SMAD5: variants seen among roughly 807,000 people sequenced by gnomAD.
SMAD5 encodes MAD, mothers against decapentaplegic homolog 5.
In SMAD5, 9 loss-of-function variants were observed where a neutral mutation model predicts 43.1. The ratio of observed to expected loss-of-function variants is 0.21; its 90% confidence interval spans 0.13 to 0.36. SMAD5 has a LOEUF of 0.36. Among genes scored for constraint, SMAD5 ranks in the 10% least tolerant of loss-of-function variants. The pLI is 1.00. For synonymous variants in SMAD5, 190 were observed against 192.4 expected (o/e 0.99, Z 0.10); for missense variants, 348 against 574.0 (o/e 0.61, Z 4.02).
At chr5:136,146,050 A>G (rs528862498) in intron 1 of SMAD5, among the ~76,000 whole-genome samples, 21 of 151,966 alleles carry the variant, frequency 1.4e-4, no homozygotes, top group African/African-American at 5.1e-4. Context: ...CAGTTGTTCT[A>G]TTAATTTGTG....
intron 1 of SMAD5, among the ~76,000 whole-genome samples, chr5:136,136,239 G>T (rs149417270): frequency 2.0e-5 from 3 of 152,262 alleles, no homozygotes; most frequent in South Asian, 4.2e-4. Flanking sequence ...GTCCAGTGGC[G>T]CAATCTTGGC....
intron 1 of SMAD5, chr5:136,134,629 T>G (rs192279496): frequency 2.6e-5 from 4 of 152,374 alleles, no homozygotes; most frequent in Admixed American, 2.0e-4. Context: ...TATTTTTTTC[T>G]CTACAGTGAA....
intron 2 of SMAD5, among the ~76,000 whole-genome samples, chr5:136,150,546 C>T (rs1753420145): frequency 6.6e-6 from 1 of 151,758 alleles, no homozygotes; most frequent in Non-Finnish European, 1.5e-5. Context: ...TATAAATATT[C>T]AGTGACCATA....
At chr5:136,174,919 A>T (rs1173044342) in intron 7 of SMAD5, among the ~76,000 whole-genome samples, 3 of 152,204 alleles carry the variant, frequency 2.0e-5, no homozygotes, top group Admixed American at 6.5e-5. Context: ...TCTAGAAAGC[A>T]TTTGTATTAG....
At chr5:136,143,317 G>T (rs1388923553) in intron 1 of SMAD5, among the ~76,000 whole-genome samples, 1 of 149,104 alleles carries the variant, frequency 6.7e-6, no homozygotes, top group Non-Finnish European at 1.5e-5. Flanking sequence ...TCTCAGTTAG[G>T]TTACTACCAT....
Position 136,160,936 on chromosome 5 carries a change from C to T in SMAD5, c.484C>T (p.His162Tyr), listed in dbSNP as rs1432178688. The T allele has an allele frequency of 6.2e-7, 1 of 1,613,886 alleles. No homozygotes were observed. The highest frequency in any genetic ancestry group is 8.5e-7 in the Non-Finnish European group (1 of 1,179,874). The change falls in exon 4 of 8, where the codon CAC becomes TAC. Residue 162 changes from histidine (H) to tyrosine (Y), a missense_variant. Transcript: ENST00000545279. ...TCTGGTTCAGTTTAGGAACCTGAGC[C>T]ACAATGAACCACACATGCCACAAAA... ...SLLVQFRNLSHNEPHMPQNAT... is the reference protein window; with the variant it reads ...SLLVQFRNLSYNEPHMPQNAT...
intron 1 of SMAD5, among the ~76,000 whole-genome samples, chr5:136,140,119 C>T (rs1166933916): frequency 6.6e-6 from 1 of 151,098 alleles, no homozygotes; most frequent in Non-Finnish European, 1.5e-5. Context: ...GCCTCCCGGG[C>T]TCAAGCAATT....
At chr5:136,136,895 C>T (rs1752898339) in intron 1 of SMAD5, among the ~76,000 whole-genome samples, 1 of 152,132 alleles carries the variant, frequency 6.6e-6, no homozygotes, top group Non-Finnish European at 1.5e-5. Context: ...TGGAGTTTCA[C>T]CTCGTTGGCC....
chr5:136,137,017 AT>A (rs60239443), intron 1 of SMAD5, among the ~76,000 whole-genome samples: 3,236 of 108,946 alleles, frequency 0.03, 55 homozygotes, highest in African/African-American at 0.085. Flanking sequence ...TTTAGTTTTG[AT>A]TTTTTTTTTT....
intron 2 of SMAD5, among the ~76,000 whole-genome samples, chr5:136,151,283 A>C (rs147429260): frequency 1.3e-5 from 2 of 152,052 alleles, no homozygotes; most frequent in African/African-American, 4.8e-5. Flanking sequence ...AATGCTATAA[A>C]AAATGAACAG....
chr5:136,136,482 A>G (rs1752881784), intron 1 of SMAD5, among the ~76,000 whole-genome samples: 1 of 152,218 alleles, frequency 6.6e-6, no homozygotes, highest in Admixed American at 6.5e-5. Flanking sequence ...GTGTTGTCAC[A>G]TACCCTTTAC....
chr5:136,166,979 C>A (rs1187714433), intron 5 of SMAD5, among the ~76,000 whole-genome samples: 1 of 152,154 alleles, frequency 6.6e-6, no homozygotes, highest in Non-Finnish European at 1.5e-5. Flanking sequence ...AATTTCTTCT[C>A]ATTTCAGTCA....
In SMAD5 at chr5:136,182,393, T is replaced by G. The variant is rs1258793681; in HGVS notation, c.*4913T>G. The stretch of plus-strand genomic sequence containing the variant: ...TTAAATATGGTTGGCGTAAGTTGTA[T>G]TTTGAAATTCACTTATTTTAAAATC... On this transcript the variant is annotated 3_prime_UTR_variant, in exon 8 of 8. Transcript: ENST00000545279. The G allele has an allele frequency of 6.6e-6, 1 of 152,346 alleles. No individual in the cohort carries two copies. Among genetic ancestry groups the G allele is most frequent in the Non-Finnish European group, 1.5e-5 (1 of 68,018 alleles). The allele number at this position is 152,346 out of a possible 1,614,324, so 9.4% of individuals were successfully genotyped here.
intron 1 of SMAD5, chr5:136,133,728 C>T (rs890188368): frequency 2.0e-5 from 3 of 153,636 alleles, no homozygotes; most frequent in Admixed American, 6.5e-5. Flanking sequence ...CCCTTTTCCC[C>T]TCTCCTCCTT....
intron 7 of SMAD5, among the ~76,000 whole-genome samples, chr5:136,175,541 T>C (rs934488811): frequency 9.9e-5 from 15 of 152,214 alleles, no homozygotes; most frequent in African/African-American, 3.6e-4. Context: ...CCTGACTGTA[T>C]TGACATTCCA....
At position 136,172,478 on chromosome 5, in the gene SMAD5, A is replaced by G. The variant is rs763058710; in HGVS notation, c.820A>G (p.Ile274Val). The G allele has an allele frequency of 3.6e-5, 58 of 1,613,078 alleles. No homozygotes were observed. The highest frequency in any genetic ancestry group is 4.0e-5 in the African/African-American group (3 of 74,892). Residue 274 changes from isoleucine to valine, a missense_variant, in exon 6 of 8, where the codon ATA becomes GTA. Ile to Val is a conservative substitution (Grantham distance 29). Around this residue, in one of 5 missense-constraint regions of SMAD5, gnomAD observed 185 missense variants for 207.0 expected, o/e 0.89. Coordinates refer to ENST00000545279, the MANE Select transcript of SMAD5 (RefSeq NM_005903.7). ...AYEEPKHWCS[I>V]VYYELNNRVG... ...TGAAGAGCCTAAACATTGGTGTTCAATAGTCTACTATGAATTAAACAATCG... is the reference window on the plus strand; with the variant it reads ...TGAAGAGCCTAAACATTGGTGTTCAGTAGTCTACTATGAATTAAACAATCG...
At chr5:136,139,381 C>A (rs1752996051) in intron 1 of SMAD5, among the ~76,000 whole-genome samples, 1 of 152,006 alleles carries the variant, frequency 6.6e-6, no homozygotes, top group Non-Finnish European at 1.5e-5. Flanking sequence ...TAAAACTTAA[C>A]CCTGAATCTT....
intron 1 of SMAD5, chr5:136,134,035 TTTG>T: frequency 1.1e-4 from 1 of 9,294 alleles, no homozygotes; most frequent in African/African-American, 6.2e-4. Flanking sequence ...CAGCTGGAGC[TTTG>T]GGGGGGGGGG....
chr5:136,152,910 C>A (rs1274503681), intron 2 of SMAD5, among the ~76,000 whole-genome samples: 2 of 152,040 alleles, frequency 1.3e-5, no homozygotes, highest in East Asian at 3.9e-4. Flanking sequence ...TTAAAATAAG[C>A]CGATAGGAAT....
Sources: allele counts gnomAD v4.1 joint callset (sites outside exome capture counted in the v4.1 genomes callset), GRCh38; gene constraint gnomAD v4.1.1; regional missense constraint gnomAD v4.1.1; transcripts MANE v1.5; gene names NCBI Gene and HGNC (gene_info 2026-07-23, HGNC 2026-07-21).